The following RPAP2 variants were observed in gnomAD, a reference collection of about 807,000 sequenced individuals.
RPAP2 encodes putative RNA polymerase II subunit B1 CTD phosphatase RPAP2.
RPAP2 carries 52 observed loss-of-function variants against 73.1 expected under a neutral mutation model. The ratio of observed to expected loss-of-function variants is 0.71; its 90% CI spans 0.57 to 0.90. The LOEUF (loss-of-function observed/expected upper bound fraction) is 0.90. Ranked by LOEUF, RPAP2 falls within the 40% of genes least tolerant of loss-of-function variation. The pLI is 0.00. For synonymous variants in RPAP2, 225 were observed against 242.1 expected (o/e 0.93, Z 0.65); for missense variants, 598 against 701.8 (o/e 0.85, Z 1.67).
chr1:92,323,948 A>C lies in RPAP2; in HGVS notation c.1028A>C (p.Lys343Thr), dbSNP rs1449964289. 3 of 1,614,208 alleles carry C rather than the reference A, an allele frequency of 1.9e-6. No individual in the cohort carries two copies. The highest frequency in any genetic ancestry group is 1.1e-5 in the South Asian group (1 of 91,078). The change falls in exon 8 of 13, where the codon AAA becomes ACA. Residue 343 changes from lysine to threonine, a missense_variant. Coordinates refer to ENST00000610020, the MANE Select transcript of RPAP2 (RefSeq NM_024813.3). The part of the protein sequence containing the change: ...SAEHFKRKFA[K>T]SNQVSRSVSS... ...GAGCATTTTAAGAGAAAATTTGCCAAATCAAACCAAGTGTCTAGGTCAGTG... is the reference window on the plus strand; with the variant it reads ...GAGCATTTTAAGAGAAAATTTGCCACATCAAACCAAGTGTCTAGGTCAGTG...
chr1:92,309,179 T>C (rs535878779), intron 6 of RPAP2, among the ~76,000 whole-genome samples: 52 of 152,174 alleles, frequency 3.4e-4, no homozygotes, highest in Non-Finnish European at 6.5e-4. Flanking sequence ...CGTGGTGGCT[T>C]ACACCTGTAA....
chr1:92,329,633 T>A (rs954458296), intron 8 of RPAP2, among the ~76,000 whole-genome samples: 1 of 152,240 alleles, frequency 6.6e-6, no homozygotes, highest in African/African-American at 2.4e-5. Flanking sequence ...TGCCGCTCTG[T>A]CTGACCAAGT....
At chr1:92,355,183 T>A (rs917366821) in intron 11 of RPAP2, among the ~76,000 whole-genome samples, 52 of 152,174 alleles carry the variant, frequency 3.4e-4, no homozygotes, top group South Asian at 6.2e-4. Flanking sequence ...ACATTTTTTT[T>A]AATATAATTA....
chr1:92,324,016 TTAC>T lies in RPAP2; in HGVS notation c.1098_1100del (p.Leu366_Leu367delinsPhe). ...GTGTCCTGAAGTTGGAAAGAGAAACTTACTTAAAGTTTTGAAGGAGACTTTGAT... is the reference window on the plus strand; with the variant it reads ...GTGTCCTGAAGTTGGAAAGAGAAACTTTAAAGTTTTGAAGGAGACTTTGAT... On this transcript the variant is annotated inframe_deletion, in exon 8 of 13. Transcript: ENST00000610020. 6.2e-7 allele frequency: 1 copy of T among 1,613,912 alleles called. No individual in the cohort carries two copies. The highest frequency in any genetic ancestry group is 8.5e-7 in the Non-Finnish European group (1 of 1,179,892).
intron 1 of RPAP2, among the ~76,000 whole-genome samples, chr1:92,299,408 G>A (rs751823827): frequency 1.6e-4 from 24 of 152,134 alleles, no homozygotes; most frequent in Non-Finnish European, 3.2e-4. Context: ...GACAGTGGAG[G>A]CCCCGGGAAC....
intron 11 of RPAP2, among the ~76,000 whole-genome samples, chr1:92,366,619 TAACA>T (rs1006703315): frequency 2.0e-5 from 3 of 152,102 alleles, no homozygotes; most frequent in African/African-American, 4.8e-5. Flanking sequence ...TTTTCCTCAA[TAACA>T]AACAAGCAAG....
At chr1:92,313,093 C>G (rs1302827103) in intron 6 of RPAP2, among the ~76,000 whole-genome samples, 4 of 152,206 alleles carry the variant, frequency 2.6e-5, no homozygotes, top group African/African-American at 9.6e-5. Context: ...TCTCGAACTC[C>G]TGGCCCCAAG....
At chr1:92,320,056 G>A (rs1260578366) in intron 6 of RPAP2, among the ~76,000 whole-genome samples, 4 of 151,844 alleles carry the variant, frequency 2.6e-5, no homozygotes, top group Non-Finnish European at 5.9e-5. Context: ...TCTAGTAGTA[G>A]GCCATAAAGG....
intron 6 of RPAP2, among the ~76,000 whole-genome samples, chr1:92,312,591 C>T (rs1288619166): frequency 1.3e-5 from 2 of 152,144 alleles, no homozygotes; most frequent in African/African-American, 4.8e-5. Flanking sequence ...TAAGAAGCAG[C>T]TGTATATCCG....
Position 92,323,505 on chromosome 1 carries a change from C to T in RPAP2, c.585C>T (p.Asp195=). 1.9e-6 allele frequency: 3 copies of T among 1,613,672 alleles called. No homozygotes were observed. The highest frequency in any genetic ancestry group is 1.3e-5 in the African/African-American group (1 of 75,012). ...AAGCCATTAAAACATCAGATATCGA[C>T]AATCCTAGCCACTTTGAAAAGCAAT... ...CSKAIKTSDI[D]NPSHFEKQYE... is the part of the protein sequence containing the mutation. The change falls in exon 8 of 13, where the codon GAC becomes GAT. Residue 195 remains aspartate, a synonymous_variant. Transcript: ENST00000610020.
chr1:92,357,708 T>C (rs1654545090), intron 11 of RPAP2, among the ~76,000 whole-genome samples: 1 of 152,216 alleles, frequency 6.6e-6, no homozygotes, highest in South Asian at 2.1e-4. Flanking sequence ...ATTTTTGTAT[T>C]TTTAATAGAG....
chr1:92,351,638 C>T (rs1654223959), intron 11 of RPAP2, among the ~76,000 whole-genome samples: 1 of 152,130 alleles, frequency 6.6e-6, no homozygotes, highest in Non-Finnish European at 1.5e-5. Flanking sequence ...GAGCCTGTAA[C>T]ACAAGAGGTC....
Position 92,305,432 on chromosome 1 carries a change from C to CAAAAAAAAAAAAAAAAAAAAAAAAAA in RPAP2, c.399+1102_399+1103insAAAAAAAAAAAAAAAAAAAAAAAAAA, listed in dbSNP as rs71091273. The stretch of plus-strand genomic sequence containing the variant: ...GGGGCAACAGAGTGAGGCTCCGTCT[C>CAAAAAAAAAAAAAAAAAAAAAAAAAA]AAAAAAAAAAAAAAAAAAAGACAAT... On this transcript the variant is annotated intron_variant, in intron 5 of 12. Coordinates refer to ENST00000610020, the MANE Select transcript of RPAP2 (RefSeq NM_024813.3). Among the ~76,000 whole-genome samples the CAAAAAAAAAAAAAAAAAAAAAAAAAA allele has an allele frequency of 8.5e-4, 45 of 52,668 alleles. 1 individual carries two copies. Among genetic ancestry groups the CAAAAAAAAAAAAAAAAAAAAAAAAAA allele is most frequent in the African/African-American group, 1.2e-3 (9 of 7,514 alleles). The allele number at this position is 52,668 out of a possible 152,430, so 34.6% of individuals were successfully genotyped here. A position where few individuals can be genotyped will look rare whatever the true frequency, so the allele number is the denominator to read the frequency against.
intron 6 of RPAP2, among the ~76,000 whole-genome samples, chr1:92,318,177 A>G (rs779696479): frequency 6.6e-6 from 1 of 152,164 alleles, no homozygotes; most frequent in Non-Finnish European, 1.5e-5. Context: ...TGGCATGTCC[A>G]CCTTCCCAAC....
intron 11 of RPAP2, among the ~76,000 whole-genome samples, chr1:92,373,769 A>AAAAAAAACC (rs1655271978): frequency 6.9e-6 from 1 of 145,776 alleles, no homozygotes; most frequent in Non-Finnish European, 1.5e-5. Flanking sequence ...AAAAAAAAAA[A>AAAAAAAACC]AGTAGCCAGG....
At position 92,300,194 on chromosome 1, in the gene RPAP2, G is replaced by A. The variant is rs1650715128; in HGVS notation, c.74G>A (p.Gly25Asp). The change falls in exon 2 of 13, where the codon GGT becomes GAT. Residue 25 changes from glycine (G) to aspartate (D), a missense_variant and splice_region_variant. Gly to Asp is a moderately conservative substitution (Grantham distance 94). Coordinates refer to ENST00000610020, the MANE Select transcript of RPAP2 (RefSeq NM_024813.3). The stretch of plus-strand genomic sequence containing the variant: ...GCACATGACTGTATTTTTATTGTAG[G>A]TACTAAACAGACAAGTACTTTGAAA... ...GAPRCSRKAA[G>D]TKQTSTLKQE... 1.2e-6 allele frequency: 2 copies of A among 1,605,038 alleles called. No individual in the cohort carries two copies. Among genetic ancestry groups the A allele is most frequent in the Non-Finnish European group, 1.7e-6 (2 of 1,172,730 alleles).
chr1:92,359,396 C>T (rs1484663211), intron 11 of RPAP2, among the ~76,000 whole-genome samples: 2 of 152,142 alleles, frequency 1.3e-5, no homozygotes, highest in Admixed American at 1.3e-4. Flanking sequence ...CTCGGCTCAC[C>T]GCAACCCCCG....
At chr1:92,370,707 A>G (rs1655111920) in intron 11 of RPAP2, among the ~76,000 whole-genome samples, 1 of 152,100 alleles carries the variant, frequency 6.6e-6, no homozygotes, top group Non-Finnish European at 1.5e-5. Flanking sequence ...GAGACTTTAA[A>G]AAAAAACACG....
intron 7 of RPAP2, among the ~76,000 whole-genome samples, chr1:92,322,058 G>A (rs1252079192): frequency 6.8e-6 from 1 of 147,848 alleles, no homozygotes. Flanking sequence ...CAGTTCTCCT[G>A]CCTCAGCCTC....
Sources: allele counts gnomAD v4.1 joint callset (sites outside exome capture counted in the v4.1 genomes callset), GRCh38; gene constraint gnomAD v4.1.1; transcripts MANE v1.5; gene names NCBI Gene and HGNC (gene_info 2026-07-23, HGNC 2026-07-21).